HABP4: variants seen among roughly 807,000 people sequenced by gnomAD.
HABP4 encodes hyaluronan binding protein 4, also known as intracellular hyaluronan-binding protein 4.
In HABP4, 32 loss-of-function variants were observed where a neutral mutation model predicts 44.1. The ratio of observed to expected loss-of-function variants is 0.73; its 90% confidence interval spans 0.55 to 0.97. The LOEUF is 0.97. Ranked by LOEUF, HABP4 falls within the 50% of genes least tolerant of loss-of-function variation. The pLI is 0.00. For missense variants in HABP4, 503 were observed against 561.9 expected (o/e 0.90, Z 1.06); for synonymous variants, 216 against 218.0 (o/e 0.99, Z 0.08).
At chr9:96,472,986 CT>C (rs1226580386) in intron 5 of HABP4, among the ~76,000 whole-genome samples, 11 of 152,314 alleles carry the variant, frequency 7.2e-5, no homozygotes, top group African/African-American at 2.6e-4. Flanking sequence ...TCTTCTTTTC[CT>C]TCTGCCTCTC....
rs971726023 is a variant in HABP4, at chr9:96,484,311, G to A, written c.828-151G>A. 14 of 544,202 alleles carry A rather than the reference G, an allele frequency of 2.6e-5. No homozygotes were observed. The East Asian group carries it at 4.2e-4, about 16-fold the overall frequency. The allele number at this position is 544,202 out of a possible 1,614,324, so 33.7% of individuals were successfully genotyped here. On this transcript the variant is annotated intron_variant, in intron 5 of 7. Transcript: ENST00000375249. ...AAAATGTTGAAAATGAAATATGGAA[G>A]CTTGTGAGTCAAAGATTTCCTTACC... is the stretch of plus-strand genomic sequence containing the variant.
intron 2 of HABP4, among the ~76,000 whole-genome samples, chr9:96,460,885 A>G (rs1832489578): frequency 6.6e-6 from 1 of 152,228 alleles, no homozygotes; most frequent in Non-Finnish European, 1.5e-5. Context: ...TTTCTTAAAA[A>G]ATACCCTCAA....
At chr9:96,470,843 C>T (rs547505930) in intron 4 of HABP4, among the ~76,000 whole-genome samples, 168 bp from the exon 5 acceptor site, 3 of 149,218 alleles carry the variant, frequency 2.0e-5, no homozygotes, top group East Asian at 2.0e-4. Flanking sequence ...TGCACTGATC[C>T]GAGATTGCAC....
intron 1 of HABP4, among the ~76,000 whole-genome samples, chr9:96,456,780 A>AAAAATAT (rs1554724388): frequency 4.5e-5 from 2 of 44,772 alleles, no homozygotes; most frequent in Non-Finnish European, 7.5e-5. Flanking sequence ...AAAAAAAAAA[A>AAAAATAT]ATATATATAT....
At chr9:96,467,557 ACT>A (rs1356022577) in intron 4 of HABP4, among the ~76,000 whole-genome samples, 1 of 111,344 alleles carries the variant, frequency 9.0e-6, no homozygotes, top group Non-Finnish European at 1.7e-5. Flanking sequence ...ACGGAGTCTC[ACT>A]CTGTCACCCA....
At chr9:96,459,898 A>G (rs1832469615) in intron 2 of HABP4, among the ~76,000 whole-genome samples, 1 of 152,188 alleles carries the variant, frequency 6.6e-6, no homozygotes, top group Admixed American at 6.5e-5. Flanking sequence ...AACTTACAGA[A>G]AGCCTTAATT....
rs1415701468 is a variant in HABP4 at position 96,450,173 on chromosome 9, C to G, written c.-107C>G. 1 of 1,133,934 alleles carries G rather than the reference C, an allele frequency of 8.8e-7. No individual in the cohort carries two copies. The highest frequency in any genetic ancestry group is 1.1e-6 in the Non-Finnish European group (1 of 909,634). The allele number at this position is 1,133,934 out of a possible 1,614,324, so 70.2% of individuals were successfully genotyped here. On this transcript the variant is annotated 5_prime_UTR_variant, in exon 1 of 8. Coordinates refer to ENST00000375249, the MANE Select transcript of HABP4 (RefSeq NM_014282.4). The surrounding 1 kb of genome is among the most constrained non-coding windows in gnomAD (Gnocchi z 4.8). ...CCGGTAGGGGCCGGACAGGGTAGGG[C>G]CCGGAGGGCGGTGGCGGCGGAGCGG...
At chr9:96,457,030 T>TA (rs1483015949) in intron 1 of HABP4, among the ~76,000 whole-genome samples, 1 of 151,730 alleles carries the variant, frequency 6.6e-6, no homozygotes, top group Non-Finnish European at 1.5e-5. Context: ...GCTTCAAACA[T>TA]AGACTTTGCT....
rs1833076718 is a variant in HABP4, at chr9:96,490,679, T to C, written c.*641T>C. 6.6e-6 allele frequency: 1 copy of C among 152,256 alleles called. No homozygotes were observed. The highest frequency in any genetic ancestry group is 1.5e-5 in the Non-Finnish European group (1 of 68,078). 9.4% of individuals were successfully genotyped at this position (152,256 alleles called of 1,614,324 possible). A position where few individuals can be genotyped will look rare whatever the true frequency, so the allele number is the denominator to read the frequency against. The stretch of plus-strand genomic sequence containing the variant: ...TAAACTACCTCGTGGTTTCTGTGTG[T>C]GTGCACACACACATCTAGTGTTTGG... On this transcript the variant is annotated 3_prime_UTR_variant, in exon 8 of 8. Transcript: ENST00000375249.
At chr9:96,458,641 T>C in intron 2 of HABP4, 100 bp downstream of exon 2, 1 of 801,512 alleles carries the variant, frequency 1.2e-6, no homozygotes, top group Non-Finnish European at 1.9e-6. Flanking sequence ...TTTTTTTTTT[T>C]TGAGACAGTT....
In HABP4 at chr9:96,456,807, ATATATAT is replaced by A. The variant is rs1564158922; in HGVS notation, c.350-1571_350-1565del. Among the ~76,000 whole-genome samples the A allele has an allele frequency of 2.4e-3, 310 of 126,574 alleles. 2 individuals carry two copies. The highest frequency in any genetic ancestry group is 8.7e-3 in the African/African-American group (296 of 34,156). The allele number at this position is 126,574 out of a possible 152,430, so 83.0% of individuals were successfully genotyped here. The stretch of plus-strand genomic sequence containing the variant: ...TATATATATATATATATATATATAT[ATATATAT>A]ATATATATCCATTAACTTGAATAAA... On this transcript the variant is annotated intron_variant, in intron 1 of 7. Transcript: ENST00000375249.
chr9:96,458,358 G>A (rs772375690), intron 1 of HABP4, 21 bp from the exon 2 acceptor site: 2 of 1,612,366 alleles, frequency 1.2e-6, no homozygotes. Context: ...CCAGCTCTCT[G>A]CTTTGATTTT....
intron 4 of HABP4, among the ~76,000 whole-genome samples, chr9:96,467,713 A>G (rs899336414): frequency 2.2e-4 from 33 of 151,780 alleles, no homozygotes; most frequent in African/African-American, 7.3e-4. Flanking sequence ...TTTAGTAGAG[A>G]TGGTGTTTCA....
At chr9:96,467,278 A>G (rs1351963852) in intron 4 of HABP4, among the ~76,000 whole-genome samples, 3 of 152,162 alleles carry the variant, frequency 2.0e-5, no homozygotes, top group Non-Finnish European at 4.4e-5. Context: ...CCTTAAAGAC[A>G]AATGTACAAA....
intron 5 of HABP4, among the ~76,000 whole-genome samples, chr9:96,474,909 A>G (rs980014552): frequency 6.6e-6 from 1 of 152,120 alleles, no homozygotes; most frequent in African/African-American, 2.4e-5. Context: ...CACAACCCAA[A>G]GTGCACTTCC....
At position 96,488,495 on chromosome 9, in the gene HABP4, C is replaced by G. The variant is rs1231950480; in HGVS notation, c.1185+221C>G. Among the ~76,000 whole-genome samples the G allele has an allele frequency of 6.6e-6, 1 of 152,146 alleles. No individual in the cohort carries two copies. Among genetic ancestry groups the G allele is most frequent in the East Asian group, 1.9e-4 (1 of 5,196 alleles). On this transcript the variant is annotated intron_variant, in intron 7 of 7. Transcript: ENST00000375249. This position sits in a 1 kb window ranked among gnomAD's most constrained non-coding sequence, Gnocchi z 4.6. ...GCTTCCAGGGTCTGCTGTGAAGGCA[C>G]TCCCGGGATCAGAGAGAAACTCACT...
intron 2 of HABP4, among the ~76,000 whole-genome samples, chr9:96,463,656 C>T (rs1832546497): frequency 6.6e-6 from 1 of 152,108 alleles, no homozygotes; most frequent in Non-Finnish European, 1.5e-5. Flanking sequence ...ACAGAAAAGC[C>T]AACTTGGAGA....
In HABP4 at chr9:96,488,435, T is replaced by A. The variant is rs568977598; in HGVS notation, c.1185+161T>A. 6.6e-6 allele frequency among the ~76,000 whole-genome samples: 1 copy of A among 152,198 alleles called. No homozygotes were observed. The highest frequency in any genetic ancestry group is 1.9e-4 in the East Asian group (1 of 5,196). On this transcript the variant is annotated intron_variant, in intron 7 of 7. Transcript: ENST00000375249. This position sits in a 1 kb window ranked among gnomAD's most constrained non-coding sequence, Gnocchi z 4.6. ...GCATTTGGACGGTGTTGTAGCATCA[T>A]GGACATCTTGCCTAGAGACCGTTCT...
At chr9:96,454,238 A>G (rs944514979) in intron 1 of HABP4, among the ~76,000 whole-genome samples, 1 of 152,186 alleles carries the variant, frequency 6.6e-6, no homozygotes, top group African/African-American at 2.4e-5. Context: ...ATGTTTTTAA[A>G]ACTATGGGTT....
Sources: gnomAD v4.1 joint callset for allele counts (sites outside exome capture counted in the v4.1 genomes callset) on GRCh38, gnomAD v4.1.1 for gene constraint, Gnocchi (gnomAD v3.1) non-coding constraint, MANE v1.5 for transcripts, NCBI Gene and HGNC (gene_info 2026-07-23, HGNC 2026-07-21) for gene names.